Variants in OPRM1 observed in about 807,000 individuals in gnomAD.
OPRM1 encodes the protein opioid receptor mu 1, also known as mu-type opioid receptor.
In OPRM1, 27 loss-of-function variants were observed where a neutral mutation model predicts 31.8. The ratio of observed to expected loss-of-function variants is 0.85; its 90% confidence interval spans 0.63 to 1.17. OPRM1 has a LOEUF of 1.17. OPRM1 is among the 50% of genes most tolerant of loss of function. The pLI, the probability that OPRM1 is intolerant of heterozygous loss-of-function variation, is 0.00. For synonymous variants in OPRM1, 196 were observed against 189.9 expected, an observed-to-expected ratio of 1.03 and a Z score of -0.26; for missense variants, 536 against 511.1, an observed-to-expected ratio of 1.05 and a Z score of -0.47.
At chr6:154,030,979 C>A (rs1778978157) in intron 1 of OPRM1, among the ~76,000 whole-genome samples, 2 of 152,154 alleles carry the variant, frequency 1.3e-5, no homozygotes, top group South Asian at 4.1e-4. Context: ...GAAGCCTAGA[C>A]TATATAATCC....
intron 1 of OPRM1, among the ~76,000 whole-genome samples, chr6:154,080,413 A>AT (rs1279797964): frequency 6.6e-6 from 1 of 152,278 alleles, no homozygotes; most frequent in Non-Finnish European, 1.5e-5. Context: ...TCAGACGAGA[A>AT]TTGATAAAAA....
chr6:154,151,036 C>T (rs117317562), intron 3 of OPRM1, among the ~76,000 whole-genome samples: 3 of 152,352 alleles, frequency 2.0e-5, no homozygotes, highest in Non-Finnish European at 4.4e-5. Context: ...CCTCTTCCTC[C>T]TGTGTCTTGT....
chr6:154,061,893 G>A (rs942115849), intron 1 of OPRM1, among the ~76,000 whole-genome samples: 27 of 151,660 alleles, frequency 1.8e-4, no homozygotes, highest in African/African-American at 4.6e-4. Context: ...ATTTTATGGC[G>A]AACAAAAGTA....
At position 154,067,785 on chromosome 6, in the gene OPRM1, A is replaced by G. The variant is rs577719684; in HGVS notation, c.291-22041A>G. On this transcript the variant is annotated intron_variant, in intron 1 of 3. Transcript: ENST00000330432. ...CCTCCTTCCCTCTTCAATTCTGTCC[A>G]CTTTTGCTTTATATGTTTTTTAATG... 1.2e-4 allele frequency among the ~76,000 whole-genome samples: 18 copies of G among 151,724 alleles called. 1 individual carries two copies. In the South Asian group the frequency reaches 3.8e-3, roughly 32 times the overall value.
intron 1 of OPRM1, among the ~76,000 whole-genome samples, chr6:154,080,261 A>G (rs1488348752): frequency 6.6e-6 from 1 of 152,258 alleles, no homozygotes; most frequent in South Asian, 2.1e-4. Flanking sequence ...GATTTCACTT[A>G]CAAACATACT....
At chr6:154,184,117 G>T (rs1218993694) in intron 3 of OPRM1, among the ~76,000 whole-genome samples, 1 of 151,728 alleles carries the variant, frequency 6.6e-6, no homozygotes, top group Non-Finnish European at 1.5e-5. Context: ...AAAGTTTTCA[G>T]TGTATCTCAA....
intron 3 of OPRM1, among the ~76,000 whole-genome samples, chr6:154,176,197 C>T (rs181672823): frequency 0.011 from 1,663 of 152,226 alleles, 14 homozygotes; most frequent in Admixed American, 0.017. Context: ...CTATTTATGA[C>T]AAACCCACAG....
chr6:154,068,392 C>G (rs926498861), intron 1 of OPRM1, among the ~76,000 whole-genome samples: 31 of 152,138 alleles, frequency 2.0e-4, no homozygotes, highest in Non-Finnish European at 1.0e-4. Flanking sequence ...ACCCCAGCCT[C>G]CATTCTATTC....
At chr6:154,016,039 G>A (rs539402599) in intron 1 of OPRM1, among the ~76,000 whole-genome samples, 4 of 152,080 alleles carry the variant, frequency 2.6e-5, no homozygotes, top group African/African-American at 4.8e-5. Flanking sequence ...TCCAAGGAAA[G>A]AAAGTTAATA....
intron 1 of OPRM1, among the ~76,000 whole-genome samples, chr6:154,029,473 C>T (rs925762336): frequency 5.3e-5 from 8 of 152,018 alleles, no homozygotes; most frequent in Admixed American, 2.6e-4. Flanking sequence ...TTTCTTTAAA[C>T]CACAAATAAA....
chr6:154,143,160 A>G (rs765358955), intron 3 of OPRM1, among the ~76,000 whole-genome samples: 22 of 152,214 alleles, frequency 1.4e-4, no homozygotes, highest in Non-Finnish European at 3.2e-4. Context: ...TGTTTAATAT[A>G]AGGTAATTTA....
intron 3 of OPRM1, among the ~76,000 whole-genome samples, chr6:154,186,758 G>A (rs1276992891): frequency 6.6e-6 from 1 of 151,874 alleles, no homozygotes; most frequent in Non-Finnish European, 1.5e-5. Context: ...GGGTTTCACC[G>A]TGTTAGCCAG....
At chr6:154,178,556 T>C (rs1442334154) in intron 3 of OPRM1, among the ~76,000 whole-genome samples, 1 of 152,180 alleles carries the variant, frequency 6.6e-6, no homozygotes. Flanking sequence ...CAACTGTGTA[T>C]ATGTAAATAC....
intron 3 of OPRM1, among the ~76,000 whole-genome samples, chr6:154,176,909 C>A (rs1354443134): frequency 6.6e-6 from 1 of 152,136 alleles, no homozygotes; most frequent in Non-Finnish European, 1.5e-5. Context: ...GCCACAGTAA[C>A]CAAAACAGCA....
chr6:154,076,894 C>T (rs1014416547), intron 1 of OPRM1, among the ~76,000 whole-genome samples: 1 of 151,790 alleles, frequency 6.6e-6, no homozygotes, highest in Non-Finnish European at 1.5e-5. Flanking sequence ...TATTTTGTTC[C>T]TTTCCAATAG....
intron 3 of OPRM1, among the ~76,000 whole-genome samples, chr6:154,194,445 G>A (rs1425520625): frequency 6.6e-6 from 1 of 152,028 alleles, no homozygotes; most frequent in Non-Finnish European, 1.5e-5. Context: ...TTTCTGAGTG[G>A]AAGATTCCTC....
chr6:154,179,786 A>G (rs947788094), intron 3 of OPRM1, among the ~76,000 whole-genome samples: 3 of 152,232 alleles, frequency 2.0e-5, no homozygotes, highest in Non-Finnish European at 2.9e-5. Context: ...GGAGTTAAGA[A>G]TAAAAGTTCA....
chr6:154,107,801 G>T (rs1182336407), intron 3 of OPRM1: 1 of 718,132 alleles, frequency 1.4e-6, no homozygotes, highest in Non-Finnish European at 2.6e-6. Context: ...CTTGAAAAGG[G>T]GGCTTACAGG....
At chr6:154,228,690 T>C (rs1287831041) in intron 3 of OPRM1, among the ~76,000 whole-genome samples, 1 of 152,200 alleles carries the variant, frequency 6.6e-6, no homozygotes, top group Non-Finnish European at 1.5e-5. Context: ...ATCTCTTTGA[T>C]CTCATGAATC....
Sources: gnomAD v4.1 joint callset for allele counts (sites outside exome capture counted in the v4.1 genomes callset) on GRCh38, gnomAD v4.1.1 for gene constraint, MANE v1.5 for transcripts, NCBI Gene and HGNC (gene_info 2026-07-23, HGNC 2026-07-21) for gene names.